MMP21: variants seen among roughly 807,000 people sequenced by gnomAD.
The protein encoded by MMP21 is matrix metalloproteinase-21.
A neutral mutation model predicts 47.8 loss-of-function variants in MMP21; 40 were observed. The observed-to-expected ratio is 0.84, with a 90% CI of 0.65 to 1.09. The LOEUF is 1.09. Among genes scored for constraint, MMP21 ranks in the 50% least tolerant of loss-of-function variants. The pLI, the probability that MMP21 is intolerant of heterozygous loss-of-function variation, is 0.00. For synonymous variants in MMP21, 341 were observed against 318.0 expected (o/e 1.07, Z -0.77); for missense variants, 747 against 775.3 (o/e 0.96, Z 0.43).
At position 125,775,789 on chromosome 10, in the gene MMP21, C is replaced by T; in HGVS notation, c.33G>A (p.Leu11=). MLAASIFRPT[L]LLCWLAAPWP... is the part of the protein sequence containing the mutation. Reference sequence around the variant, plus strand: ...AGGGAGCAGCCAGCCAGCAGAGCAGCAGTGTCGGACGGAAGATGGAGGCGG... The same window carrying T: ...AGGGAGCAGCCAGCCAGCAGAGCAGTAGTGTCGGACGGAAGATGGAGGCGG... The change falls in exon 1 of 7, where the codon CTG becomes CTA. Residue 11 remains leucine, a synonymous_variant. Transcript: ENST00000368808. 6.2e-7 allele frequency: 1 copy of T among 1,612,426 alleles called. No individual in the cohort carries two copies. The highest frequency in any genetic ancestry group is 8.5e-7 in the Non-Finnish European group (1 of 1,179,352).
intron 1 of MMP21, among the ~76,000 whole-genome samples, chr10:125,774,739 G>A (rs1010959063): frequency 2.2e-4 from 34 of 152,154 alleles, no homozygotes; most frequent in Admixed American, 2.1e-3. Flanking sequence ...GTAAGAGGTC[G>A]CGGGGGAGGA....
At position 125,774,094 on chromosome 10, in the gene MMP21, G is replaced by A. The variant is rs1850486438; in HGVS notation, c.434C>T (p.Ser145Phe). The A allele has an allele frequency of 3.7e-6, 5 of 1,350,630 alleles. No homozygotes were observed. Among genetic ancestry groups the A allele is most frequent in the Admixed American group, 3.9e-5 (1 of 25,758 alleles). The allele number at this position is 1,350,630 out of a possible 1,614,324, so 83.7% of individuals were successfully genotyped here. ...GGACAAGGACAGCGGCGCCCGCGGG[G>A]AGCGCCTGGAGCGGGCTCTGGGGGG... ...GPPPRARSRR[S>F]PRAPLSLSRR... The change falls in exon 2 of 7, where the codon TCC becomes TTC. Residue 145 changes from serine (S) to phenylalanine (F), a missense_variant. By Grantham distance (155) the Ser-to-Phe change is radical. Coordinates refer to ENST00000368808, the MANE Select transcript of MMP21 (RefSeq NM_147191.1).
At chr10:125,767,507 C>G in intron 6 of MMP21, 25 bp downstream of exon 6, 1 of 1,605,936 alleles carries the variant, frequency 6.2e-7, no homozygotes, top group Non-Finnish European at 8.5e-7. Flanking sequence ...AGAAGCATTG[C>G]TAGGCTGAAG....
At chr10:125,767,422 TGCGCCACTGTGGCAGGCCAAGTACAGC>T in intron 6 of MMP21, 83 bp downstream of exon 6, 1 of 1,086,026 alleles carries the variant, frequency 9.2e-7, no homozygotes, top group Non-Finnish European at 1.3e-6. Context: ...ATTACAGGCA[TGCGCCACTGTGGCAGGCCAAGTACAGC>T]TTTTAAATAT....
chr10:125,770,561 A>G lies in MMP21; in HGVS notation c.1010T>C (p.Phe337Ser). ...GTTTCTCTCTTTGCGAATCCAGTCA[A>G]ACGCAGTATCAAATGATCCCTCACA... is the stretch of plus-strand genomic sequence containing the variant. ...GSCEGSFDTAFDWIRKERNQY... is the reference protein window; with the variant it reads ...GSCEGSFDTASDWIRKERNQY... Residue 337 changes from phenylalanine (F) to serine (S), a missense_variant, in exon 5 of 7, where the codon TTT becomes TCT. Phe to Ser is a radical substitution (Grantham distance 155, BLOSUM62 -2). Transcript: ENST00000368808. The G allele has an allele frequency of 6.2e-7, 1 of 1,614,218 alleles. No individual in the cohort carries two copies.
At chr10:125,775,304 T>C (rs1047771289) in intron 1 of MMP21, among the ~76,000 whole-genome samples, 28 of 152,192 alleles carry the variant, frequency 1.8e-4, no homozygotes, top group African/African-American at 6.8e-4. Flanking sequence ...CTTCTCTACA[T>C]CCAGAGATTG....
rs1225954177 is a variant in MMP21 at position 125,772,639 on chromosome 10, G to A, written c.809C>T (p.Thr270Ile). 1 of 1,614,258 alleles carries A rather than the reference G, an allele frequency of 6.2e-7. No homozygotes were observed. Among genetic ancestry groups the A allele is most frequent in the East Asian group, 2.2e-5 (1 of 44,890 alleles). Reference sequence around the variant, plus strand: ...GAGAAGGCTGATGCCCGTGTCACTGGTGGGAGGTGTGAAGTGCTCGTCGTC... The same window carrying A: ...GAGAAGGCTGATGCCCGTGTCACTGATGGGAGGTGTGAAGTGCTCGTCGTC... ...FDDDEHFTPP[T>I]SDTGISLLKV... The change falls in exon 3 of 7, where the codon ACC becomes ATC. Residue 270 changes from threonine to isoleucine, a missense_variant. Coordinates refer to ENST00000368808, the MANE Select transcript of MMP21 (RefSeq NM_147191.1). This position sits in a 1 kb window ranked among gnomAD's most constrained non-coding sequence, Gnocchi z 5.6.
rs376120682 is a variant in MMP21 at position 125,772,759 on chromosome 10, G to C, written c.698-9C>G. ...ACAGCCCAGGTGCCGGCCTGGCGAG[G>C]GGGAGGAGGAGTTGGTCCCGGTGAA... is the stretch of plus-strand genomic sequence containing the variant. On this transcript the variant is annotated splice_polypyrimidine_tract_variant and intron_variant, in intron 2 of 6. Transcript: ENST00000368808. This position sits in a 1 kb window ranked among gnomAD's most constrained non-coding sequence, Gnocchi z 5.6. The C allele has an allele frequency of 2.9e-5, 47 of 1,611,004 alleles. No homozygotes were observed. Among genetic ancestry groups the C allele is most frequent in the Middle Eastern group, 1.8e-4 (1 of 5,462 alleles).
At chr10:125,771,445 C>T (rs1359810847) in intron 4 of MMP21, among the ~76,000 whole-genome samples, 2 of 151,586 alleles carry the variant, frequency 1.3e-5, no homozygotes, top group Admixed American at 6.6e-5. Context: ...GCTCTGTCAC[C>T]CAGGCTGGAG....
intron 4 of MMP21, among the ~76,000 whole-genome samples, chr10:125,770,813 G>C (rs1056587153): frequency 1.3e-5 from 2 of 148,892 alleles, no homozygotes; most frequent in African/African-American, 5.0e-5. Context: ...TTGAGTTCAA[G>C]ACCAGCCTGG....
rs1850494032 is a variant in MMP21, at chr10:125,774,473, C to G, written c.163-108G>C. 15 of 628,778 alleles carry G rather than the reference C, an allele frequency of 2.4e-5. No individual in the cohort carries two copies. The East Asian group carries it at 5.0e-4, about 21-fold the overall frequency. 38.9% of individuals were successfully genotyped at this position (628,778 alleles called of 1,614,324 possible). On this transcript the variant is annotated intron_variant, in intron 1 of 6. Coordinates refer to ENST00000368808, the MANE Select transcript of MMP21 (RefSeq NM_147191.1). The stretch of plus-strand genomic sequence containing the variant: ...AGAGACATGGGGATAGAGACAGAGA[C>G]AGAGAGAAGCAGAGAGACAGACAGG...
chr10:125,768,294 C>T lies in MMP21; in HGVS notation c.1238-590G>A, dbSNP rs537494325. Among the ~76,000 whole-genome samples the T allele has an allele frequency of 8.5e-5, 13 of 152,282 alleles. No homozygotes were observed. In the South Asian group the frequency reaches 2.7e-3, roughly 32 times the overall value. ...AGAGCTGAAGTGACTGGTCCACATT[C>T]AGACAGCCTAGGCTGAGCCAGGAAT... On this transcript the variant is annotated intron_variant, in intron 5 of 6. Transcript: ENST00000368808.
chr10:125,774,676 G>A (rs1403596547), intron 1 of MMP21, among the ~76,000 whole-genome samples: 2 of 152,190 alleles, frequency 1.3e-5, no homozygotes, highest in African/African-American at 4.8e-5. Context: ...AGGCGCCCTA[G>A]GGCCGGAGGA....
intron 1 of MMP21, 72 bp downstream of exon 1, chr10:125,775,588 C>T (rs566108071): frequency 1.3e-6 from 2 of 1,483,932 alleles, no homozygotes; most frequent in Non-Finnish European, 1.8e-6. Flanking sequence ...TGTGCCTGTG[C>T]GCGCGTGCGC....
In MMP21 at chr10:125,766,667, T is replaced by C. The variant is rs977334658; in HGVS notation, c.1705A>G (p.Met569Val). Residue 569 changes from methionine to valine, a missense_variant, in exon 7 of 7, where the codon ATG becomes GTG. Met to Val is a conservative substitution (Grantham distance 21, BLOSUM62 1). Transcript: ENST00000368808. The part of the protein sequence containing the change: ...VCDVHISTLN[M>V] ...CCATTTCCTACTTTTTCTTATTACA[T>C]GTTCAGTGTGGAGATATGGACGTCA... 1 of 1,595,030 alleles carries C rather than the reference T, an allele frequency of 6.3e-7. No homozygotes were observed. The highest frequency in any genetic ancestry group is 8.5e-7 in the Non-Finnish European group (1 of 1,173,316).
In MMP21 at chr10:125,772,173, C is replaced by G; in HGVS notation, c.979+45G>C. The G allele has an allele frequency of 6.2e-7, 1 of 1,609,384 alleles. No individual in the cohort carries two copies. Among genetic ancestry groups the G allele is most frequent in the Non-Finnish European group, 8.5e-7 (1 of 1,176,866 alleles). ...CGGGGTCCTACAGTGCTCTGGAATA[C>G]AGTGTCCTCCGCTAGCTCAGGGATG... On this transcript the variant is annotated intron_variant, in intron 4 of 6. Transcript: ENST00000368808. This position sits in a 1 kb window ranked among gnomAD's most constrained non-coding sequence, Gnocchi z 5.6.
chr10:125,772,471 C>T lies in MMP21; in HGVS notation c.838-112G>A. On this transcript the variant is annotated intron_variant, in intron 3 of 6. Coordinates refer to ENST00000368808, the MANE Select transcript of MMP21 (RefSeq NM_147191.1). The surrounding 1 kb of genome is among the most constrained non-coding windows in gnomAD (Gnocchi z 5.6). ...AGCGTTGCTTGTGAAGAGGGGAGCA[C>T]CGGTGGAACTGGGGAGCCATTCCAC... The T allele has an allele frequency of 5.1e-6, 8 of 1,564,010 alleles. No homozygotes were observed. Among genetic ancestry groups the T allele is most frequent in the Admixed American group, 1.7e-5 (1 of 58,764 alleles).
chr10:125,770,291 TC>T, intron 5 of MMP21, 42 bp downstream of exon 5: 1 of 1,602,220 alleles, frequency 6.2e-7, no homozygotes. Flanking sequence ...CTGAGTGCAT[TC>T]GTTTAATGAG....
At chr10:125,769,927 G>A (rs748802672) in intron 5 of MMP21, among the ~76,000 whole-genome samples, 1 of 152,146 alleles carries the variant, frequency 6.6e-6, no homozygotes, top group African/African-American at 2.4e-5. Context: ...GTGGGAAAGC[G>A]GCTTGAAGCC....
Sources: allele counts gnomAD v4.1 joint callset (sites outside exome capture counted in the v4.1 genomes callset), GRCh38; gene constraint gnomAD v4.1.1; non-coding constraint Gnocchi (gnomAD v3.1); transcripts MANE v1.5; gene names NCBI Gene and HGNC (gene_info 2026-07-23, HGNC 2026-07-21).